CRB1: variants seen among roughly 807,000 people sequenced by gnomAD.
CRB1 encodes protein crumbs homolog 1.
CRB1 carries 83 observed loss-of-function variants against 120.0 expected under a neutral mutation model. The observed-to-expected ratio is 0.69, with a 90% CI of 0.58 to 0.83. The LOEUF (loss-of-function observed/expected upper bound fraction) is 0.83, where lower values mean the gene tolerates loss of function less well. Ranked by LOEUF, CRB1 falls within the 40% of genes least tolerant of loss-of-function variation. The pLI is 0.00. For missense variants in CRB1, 1,699 were observed against 1,687.6 expected (o/e 1.01, Z -0.12); for synonymous variants, 625 against 612.5 (o/e 1.02, Z -0.30).
At chr1:197,290,108 T>G (rs1656080705) in intron 1 of CRB1, among the ~76,000 whole-genome samples, 1 of 151,824 alleles carries the variant, frequency 6.6e-6, no homozygotes, top group South Asian at 2.1e-4. Flanking sequence ...TTTTGAGTCT[T>G]TCTTCAAGAG....
chr1:197,457,039 A>G (rs1379498677), intron 11 of CRB1, among the ~76,000 whole-genome samples: 1 of 152,112 alleles, frequency 6.6e-6, no homozygotes, highest in Non-Finnish European at 1.5e-5. Flanking sequence ...ATTTTAAAGA[A>G]TATGTTGCTC....
At chr1:197,407,153 T>A (rs767948541) in intron 5 of CRB1, among the ~76,000 whole-genome samples, 2 of 152,192 alleles carry the variant, frequency 1.3e-5, no homozygotes, top group Admixed American at 6.5e-5. Context: ...TAAGAAAGAA[T>A]GAAGTGGAAA....
At chr1:197,377,754 T>C (rs1419625990) in intron 5 of CRB1, among the ~76,000 whole-genome samples, 1 of 152,212 alleles carries the variant, frequency 6.6e-6, no homozygotes, top group Admixed American at 6.5e-5. Flanking sequence ...TCAAAGATAT[T>C]ATATGAGCTT....
chr1:197,203,199 G>C, the CRB1 span, among the ~76,000 whole-genome samples: 1 of 152,072 alleles, frequency 6.6e-6, no homozygotes, highest in South Asian at 2.1e-4. Flanking sequence ...ATTAGAAAAT[G>C]GCTTAATATA....
At chr1:197,212,987 A>AT in the CRB1 span, among the ~76,000 whole-genome samples, 3 of 152,214 alleles carry the variant, frequency 2.0e-5, no homozygotes, top group Admixed American at 6.5e-5. Flanking sequence ...ACAGATCTAG[A>AT]TAAATTCCAA....
chr1:197,365,509 G>A (rs191524488), intron 5 of CRB1, among the ~76,000 whole-genome samples: 1 of 152,184 alleles, frequency 6.6e-6, no homozygotes, highest in East Asian at 1.9e-4. Flanking sequence ...GAGGGGGGGA[G>A]AAGGGAGGCT....
the CRB1 span, among the ~76,000 whole-genome samples, chr1:197,239,270 T>C: frequency 6.6e-6 from 1 of 152,150 alleles, no homozygotes; most frequent in African/African-American, 2.4e-5. Flanking sequence ...TATTTCTGAA[T>C]ATTTTGTCTA....
chr1:197,297,598 G>A (rs577554338), intron 1 of CRB1, among the ~76,000 whole-genome samples: 1 of 152,190 alleles, frequency 6.6e-6, no homozygotes, highest in Non-Finnish European at 1.5e-5. Flanking sequence ...TTCATGCTGA[G>A]GAAAGAGGGA....
intron 1 of CRB1, among the ~76,000 whole-genome samples, chr1:197,308,777 A>G (rs115474877): frequency 0.023 from 3,476 of 151,678 alleles, 74 homozygotes; most frequent in Non-Finnish European, 0.032. Context: ...CATTCCCTAT[A>G]TATGTTTAGC....
intron 11 of CRB1, among the ~76,000 whole-genome samples, chr1:197,471,563 T>C (rs1478726496): frequency 1.3e-5 from 2 of 152,172 alleles, no homozygotes; most frequent in Non-Finnish European, 2.9e-5. Context: ...CTGATCGCCA[T>C]CCTTTCTTCA....
chr1:197,348,643 A>AT (rs1205121120), intron 4 of CRB1, among the ~76,000 whole-genome samples: 1 of 151,832 alleles, frequency 6.6e-6, no homozygotes, highest in Non-Finnish European at 1.5e-5. Flanking sequence ...TGCCCGGCTA[A>AT]TTTTTTGTAT....
chr1:197,324,903 C>T (rs945639591), intron 1 of CRB1, among the ~76,000 whole-genome samples: 2 of 152,140 alleles, frequency 1.3e-5, no homozygotes, highest in African/African-American at 2.4e-5. Flanking sequence ...TTTAAGACAA[C>T]GTGTACAGTA....
chr1:197,421,772 T>C lies in CRB1; in HGVS notation c.1944T>C (p.Ile648=), dbSNP rs978090242. 8.7e-6 allele frequency: 14 copies of C among 1,614,184 alleles called. No individual in the cohort carries two copies. The highest frequency in any genetic ancestry group is 1.2e-5 in the Non-Finnish European group (14 of 1,180,008). ...SFVGCLQDIK[I]DWNHITLENI... The stretch of plus-strand genomic sequence containing the variant: ...TAGGCTGTCTCCAAGACATTAAAAT[T>C]GATTGGAATCACATTACCCTGGAGA... Residue 648 remains isoleucine, a synonymous_variant, in exon 6 of 12, where the codon ATT becomes ATC. Transcript: ENST00000367400.
the CRB1 span, among the ~76,000 whole-genome samples, chr1:197,211,619 C>T: frequency 2.0e-5 from 3 of 152,236 alleles, no homozygotes; most frequent in South Asian, 6.2e-4. Flanking sequence ...AATCACTTCC[C>T]AAAATGCCTT....
At chr1:197,287,659 C>T (rs1262952902) in intron 1 of CRB1, among the ~76,000 whole-genome samples, 2 of 151,714 alleles carry the variant, frequency 1.3e-5, no homozygotes, top group Admixed American at 6.6e-5. Flanking sequence ...TCCTCATGTG[C>T]AGTTTATCCA....
chr1:197,222,728 G>T, the CRB1 span: 6 of 862,214 alleles, frequency 7.0e-6, no homozygotes, highest in Non-Finnish European at 1.2e-5. Flanking sequence ...TGAATTCTCT[G>T]AGTAGGAACA....
At chr1:197,317,469 A>G (rs1457069063) in intron 1 of CRB1, among the ~76,000 whole-genome samples, 1 of 151,918 alleles carries the variant, frequency 6.6e-6, no homozygotes, top group African/African-American at 2.4e-5. Context: ...ACCAATGACA[A>G]TCTTCCCAAA....
At chr1:197,427,032 C>T (rs188792202) in intron 6 of CRB1, among the ~76,000 whole-genome samples, 37 of 152,288 alleles carry the variant, frequency 2.4e-4, no homozygotes, top group African/African-American at 8.4e-4. Flanking sequence ...CCTGCACAGT[C>T]CACTTGCAGA....
At chr1:197,373,614 A>G (rs753241790) in intron 5 of CRB1, among the ~76,000 whole-genome samples, 1 of 152,222 alleles carries the variant, frequency 6.6e-6, no homozygotes. Flanking sequence ...TAATGCTCAA[A>G]CAGCCTTAAT....
Sources: allele counts gnomAD v4.1 joint callset (sites outside exome capture counted in the v4.1 genomes callset), GRCh38; gene constraint gnomAD v4.1.1; transcripts MANE v1.5; gene names NCBI Gene and HGNC (gene_info 2026-07-23, HGNC 2026-07-21).